The following TMEM132C variants were observed in gnomAD, a reference collection of about 807,000 sequenced individuals.
TMEM132C encodes transmembrane protein 132C.
TMEM132C carries 29 observed loss-of-function variants against 61.4 expected under a neutral mutation model. That is an observed-to-expected ratio of 0.47 (90% CI 0.35 to 0.64). TMEM132C has a LOEUF of 0.64. Among genes scored for constraint, TMEM132C ranks in the 30% least tolerant of loss-of-function variants. The probability of loss-of-function intolerance (pLI) is 0.00; values close to 1 mark genes in which losing one functional copy is unlikely to be tolerated. For missense variants in TMEM132C, 1,408 were observed against 1,476.9 expected, an observed-to-expected ratio of 0.95 and a Z score of 0.76; for synonymous variants, 656 against 633.1, an observed-to-expected ratio of 1.04 and a Z score of -0.54.
At chr12:128,550,293 C>T (rs1439035134) in intron 3 of TMEM132C, among the ~76,000 whole-genome samples, 1 of 151,658 alleles carries the variant, frequency 6.6e-6, no homozygotes, top group African/African-American at 2.4e-5. Flanking sequence ...GAGAGAAGCT[C>T]CTGGTGTCTT....
rs1555243297 is a variant in TMEM132C, at chr12:128,686,070, C to CGTGTGTGCATGT, written c.1450-7751_1450-7750insATGTGTGTGTGC. Among the ~76,000 whole-genome samples the CGTGTGTGCATGT allele has an allele frequency of 4.3e-3, 255 of 58,946 alleles. 1 individual carries two copies. Among genetic ancestry groups the CGTGTGTGCATGT allele is most frequent in the African/African-American group, 8.7e-3 (220 of 25,430 alleles). The allele number at this position is 58,946 out of a possible 152,430, so 38.7% of individuals were successfully genotyped here. On this transcript the variant is annotated intron_variant, in intron 5 of 8. Transcript: ENST00000435159. Reference sequence around the variant, plus strand: ...GTGTGTGCATGTGTGTGTGTGCATGCGTGTGTGCGCATGTGTGTTGTGTGC... The same window carrying CGTGTGTGCATGT: ...GTGTGTGCATGTGTGTGTGTGCATGCGTGTGTGCATGTGTGTGTGCGCATGTGTGTTGTGTGC...
At chr12:128,543,599 C>T (rs1441825823) in intron 2 of TMEM132C, among the ~76,000 whole-genome samples, 3 of 152,200 alleles carry the variant, frequency 2.0e-5, no homozygotes, top group Admixed American at 6.5e-5. Flanking sequence ...TATCTCCAGA[C>T]ATTGCCAAAT....
intron 4 of TMEM132C, among the ~76,000 whole-genome samples, chr12:128,652,841 G>C (rs1954285806): frequency 1.3e-5 from 2 of 152,208 alleles, no homozygotes; most frequent in East Asian, 3.9e-4. Context: ...CAGTTCACCA[G>C]AGTTAAAGAA....
chr12:128,431,550 CTTTTTTT>C (rs386378189), intron 2 of TMEM132C, among the ~76,000 whole-genome samples: 1 of 98,906 alleles, frequency 1.0e-5, no homozygotes, highest in African/African-American at 4.2e-5. Context: ...CCATCTAGGA[CTTTTTTT>C]TTTTTTTTTT....
intron 1 of TMEM132C, among the ~76,000 whole-genome samples, chr12:128,396,510 A>G (rs1713596): frequency 0.38 from 57,289 of 151,746 alleles, 12,156 homozygotes; most frequent in African/African-American, 0.58. Flanking sequence ...ACCATGGCAC[A>G]TGTATACCTA....
intron 2 of TMEM132C, among the ~76,000 whole-genome samples, chr12:128,532,967 C>T (rs1243087239): frequency 1.3e-5 from 2 of 152,198 alleles, no homozygotes; most frequent in African/African-American, 4.8e-5. Flanking sequence ...TGAAAACCCA[C>T]AGCCCCCTTC....
At chr12:128,632,284 A>G (rs534622897) in intron 4 of TMEM132C, among the ~76,000 whole-genome samples, 6 of 152,258 alleles carry the variant, frequency 3.9e-5, no homozygotes, top group Non-Finnish European at 8.8e-5. Flanking sequence ...TGATCTGTGT[A>G]AAGCACTTAG....
chr12:128,442,067 G>C (rs932161693), intron 2 of TMEM132C, among the ~76,000 whole-genome samples: 3 of 152,134 alleles, frequency 2.0e-5, no homozygotes, highest in African/African-American at 7.2e-5. Context: ...CCCTGGCTCA[G>C]CTTTGCAATC....
At chr12:128,614,730 A>C (rs186456586) in intron 3 of TMEM132C, among the ~76,000 whole-genome samples, 1 of 152,386 alleles carries the variant, frequency 6.6e-6, no homozygotes, top group Admixed American at 6.5e-5. Context: ...TCTTAGTTGC[A>C]GACAAAGAGT....
At chr12:128,376,807 T>G (rs187673833) in intron 1 of TMEM132C, among the ~76,000 whole-genome samples, 1 of 152,216 alleles carries the variant, frequency 6.6e-6, no homozygotes, top group African/African-American at 2.4e-5. Flanking sequence ...GAAGTGGGCA[T>G]GGGATGTAAA....
intron 3 of TMEM132C, among the ~76,000 whole-genome samples, chr12:128,597,467 C>T (rs1416515457): frequency 2.8e-5 from 4 of 140,894 alleles, no homozygotes; most frequent in Non-Finnish European, 4.5e-5. Context: ...AAAGAGAGAG[C>T]GAGAGAGAGG....
At chr12:128,445,237 T>C (rs546554303) in intron 2 of TMEM132C, among the ~76,000 whole-genome samples, 1 of 152,008 alleles carries the variant, frequency 6.6e-6, no homozygotes, top group South Asian at 2.1e-4. Context: ...CAGATTGCTA[T>C]CATTTGGCCA....
chr12:128,632,313 T>C (rs1408972233), intron 4 of TMEM132C, among the ~76,000 whole-genome samples: 1 of 152,192 alleles, frequency 6.6e-6, no homozygotes, highest in East Asian at 1.9e-4. Flanking sequence ...TTGGCACATA[T>C]TAAATACTAT....
chr12:128,550,897 G>C (rs1874151242), intron 3 of TMEM132C, among the ~76,000 whole-genome samples: 1 of 152,128 alleles, frequency 6.6e-6, no homozygotes, highest in South Asian at 2.1e-4. Flanking sequence ...CCTCTTTGCT[G>C]ATGATGGACA....
chr12:128,632,603 A>C (rs1954072816), intron 4 of TMEM132C, among the ~76,000 whole-genome samples: 1 of 152,206 alleles, frequency 6.6e-6, no homozygotes, highest in African/African-American at 2.4e-5. Flanking sequence ...TCCGACTACG[A>C]AAATGGGAAG....
At chr12:128,545,800 A>G (rs1873932056) in intron 3 of TMEM132C, among the ~76,000 whole-genome samples, 2 of 152,214 alleles carry the variant, frequency 1.3e-5, no homozygotes, top group Non-Finnish European at 1.5e-5. Context: ...CACCTTCCAC[A>G]TAAATCTTTG....
intron 3 of TMEM132C, among the ~76,000 whole-genome samples, chr12:128,575,560 CA>C: frequency 6.6e-6 from 1 of 151,996 alleles, no homozygotes; most frequent in Non-Finnish European, 1.5e-5. Context: ...TGTAGGATTT[CA>C]AAGGAAATTT....
chr12:128,586,912 A>G (rs1426687713), intron 3 of TMEM132C, among the ~76,000 whole-genome samples: 2 of 152,326 alleles, frequency 1.3e-5, no homozygotes, highest in East Asian at 3.9e-4. Flanking sequence ...CTGGCGGTGC[A>G]GAGGTCACAG....
intron 1 of TMEM132C, chr12:128,288,514 A>G (rs1293426893): frequency 2.0e-5 from 3 of 151,730 alleles, no homozygotes; most frequent in African/African-American, 4.9e-5. Flanking sequence ...CTCTTTATCT[A>G]GTAGAGTTCT....
Sources: gnomAD v4.1 joint callset for allele counts (sites outside exome capture counted in the v4.1 genomes callset) on GRCh38, gnomAD v4.1.1 for gene constraint, MANE v1.5 for transcripts, NCBI Gene and HGNC (gene_info 2026-07-23, HGNC 2026-07-21) for gene names.